Variants in HTR1F observed in about 807,000 individuals in gnomAD.
HTR1F encodes 5-hydroxytryptamine (serotonin) receptor 1F, G protein-coupled.
A neutral mutation model predicts 24.0 loss-of-function variants in HTR1F; 17 were observed. The observed-to-expected ratio is 0.71, with a 90% CI of 0.48 to 1.06. The LOEUF (loss-of-function observed/expected upper bound fraction) is 1.06, where lower values mean the gene tolerates loss of function less well. HTR1F is among the 50% of genes least tolerant of loss of function. The probability of loss-of-function intolerance (pLI) is 0.00; values close to 1 mark genes in which losing one functional copy is unlikely to be tolerated. For synonymous variants in HTR1F, 186 were observed against 156.8 expected (o/e 1.19, Z -1.39); for missense variants, 391 against 427.8 (o/e 0.91, Z 0.76).
chr3:87,842,088 A>C (rs937539125), intron 2 of HTR1F, among the ~76,000 whole-genome samples: 1 of 151,836 alleles, frequency 6.6e-6, no homozygotes, highest in African/African-American at 2.4e-5. Flanking sequence ...GTTACATTGT[A>C]TACTTATTCT....
chr3:87,929,312 T>C (rs1704203645), intron 2 of HTR1F, among the ~76,000 whole-genome samples: 2 of 152,160 alleles, frequency 1.3e-5, no homozygotes, highest in East Asian at 3.8e-4. Context: ...CCTCTTTCCG[T>C]TGCTGGCTCC....
chr3:87,887,730 C>T (rs1490805319), intron 2 of HTR1F, among the ~76,000 whole-genome samples: 1 of 152,210 alleles, frequency 6.6e-6, no homozygotes, highest in African/African-American at 2.4e-5. Context: ...TGCTCATCAT[C>T]ACTGGTCATC....
intron 2 of HTR1F, among the ~76,000 whole-genome samples, chr3:87,988,965 TA>T (rs1705742614): frequency 6.6e-6 from 1 of 151,818 alleles, no homozygotes; most frequent in Admixed American, 6.6e-5. Context: ...TTAAGTATTT[TA>T]AAGTATTAAT....
intron 2 of HTR1F, among the ~76,000 whole-genome samples, chr3:87,918,151 A>G (rs909962377): frequency 2.3e-4 from 35 of 152,172 alleles, no homozygotes; most frequent in Middle Eastern, 6.8e-3. Context: ...AGAAAAAAGC[A>G]TTTGACAAAA....
At chr3:87,821,822 C>T (rs1257896623) in intron 1 of HTR1F, among the ~76,000 whole-genome samples, 186 bp from the exon 2 acceptor site, 3 of 150,190 alleles carry the variant, frequency 2.0e-5, no homozygotes, top group Admixed American at 6.6e-5. Flanking sequence ...CATCTCCCCC[C>T]AAAAAAGACG....
At chr3:87,924,546 C>A (rs753266294) in intron 2 of HTR1F, among the ~76,000 whole-genome samples, 40 of 152,012 alleles carry the variant, frequency 2.6e-4, no homozygotes, top group Non-Finnish European at 4.9e-4. Context: ...TTAAGTATTT[C>A]TTGTAAGGCT....
At chr3:87,895,863 T>TA (rs1263448118) in intron 2 of HTR1F, among the ~76,000 whole-genome samples, 3 of 152,148 alleles carry the variant, frequency 2.0e-5, no homozygotes, top group African/African-American at 7.2e-5. Context: ...TAAGAGTTAA[T>TA]AGCTCTGGAA....
intron 2 of HTR1F, among the ~76,000 whole-genome samples, chr3:87,953,076 T>A (rs1384887114): frequency 1.3e-5 from 2 of 151,768 alleles, no homozygotes; most frequent in Non-Finnish European, 3.0e-5. Flanking sequence ...ACTTAAAACA[T>A]AAGACATGAA....
rs147809489 is a variant in HTR1F, at chr3:87,979,798, G to A, written c.-42-10910G>A. Among the ~76,000 whole-genome samples, 1,075 of 152,314 alleles carry A rather than the reference G, an allele frequency of 7.1e-3. 13 individuals are homozygous for A. The highest frequency in any genetic ancestry group is 0.024 in the African/African-American group (987 of 41,576). On this transcript the variant is annotated intron_variant, in intron 2 of 2. Coordinates refer to ENST00000319595, the MANE Select transcript of HTR1F (RefSeq NM_001322209.2). ...CCAGTTACTGCACATAGCCAGGCGC[G>A]CTGGCTGCTGTGGCAGGTCAGGCAG...
chr3:87,920,999 C>A (rs1209337455), intron 2 of HTR1F, among the ~76,000 whole-genome samples: 1 of 151,988 alleles, frequency 6.6e-6, no homozygotes, highest in Non-Finnish European at 1.5e-5. Context: ...TCTCACATAT[C>A]CCCCTAAAGC....
In HTR1F at chr3:87,991,755, G is replaced by C. The variant is rs760961399; in HGVS notation, c.1006G>C (p.Gly336Arg). 6.2e-7 allele frequency: 1 copy of C among 1,613,544 alleles called. No individual in the cohort carries two copies. Among genetic ancestry groups the C allele is most frequent in the Non-Finnish European group, 8.5e-7 (1 of 1,179,648 alleles). ...AATGTCCAATTTTTTGGCATGGCTTGGGTATCTCAATTCCCTTATAAATCC... is the reference window on the plus strand; with the variant it reads ...AATGTCCAATTTTTTGGCATGGCTTCGGTATCTCAATTCCCTTATAAATCC... Reference protein sequence around the residue: ...EEMSNFLAWLGYLNSLINPLI... With the variant: ...EEMSNFLAWLRYLNSLINPLI... The change falls in exon 3 of 3, where the codon GGG (glycine) becomes CGG (arginine). Residue 336 changes from glycine (G) to arginine (R), a missense_variant. Gly to Arg is a moderately radical substitution (Grantham distance 125). Transcript: ENST00000319595.
chr3:87,807,862 T>A (rs1036038327), intron 1 of HTR1F, among the ~76,000 whole-genome samples: 3 of 151,936 alleles, frequency 2.0e-5, no homozygotes, highest in African/African-American at 7.2e-5. Context: ...GCTTCTTCCA[T>A]GTCAATTGAG....
At chr3:87,887,460 C>A (rs1371474269) in intron 2 of HTR1F, among the ~76,000 whole-genome samples, 2 of 152,016 alleles carry the variant, frequency 1.3e-5, no homozygotes, top group Admixed American at 6.6e-5. Flanking sequence ...GCAACAAAAG[C>A]CAAAATTGAC....
intron 2 of HTR1F, among the ~76,000 whole-genome samples, chr3:87,851,816 CA>C: frequency 6.6e-6 from 1 of 151,370 alleles, no homozygotes; most frequent in Admixed American, 6.6e-5. Context: ...TTCTTCCTGT[CA>C]AAAAACCTAT....
intron 2 of HTR1F, among the ~76,000 whole-genome samples, chr3:87,936,615 A>G (rs928339473): frequency 2.0e-5 from 3 of 152,234 alleles, no homozygotes; most frequent in Middle Eastern, 6.3e-3. Flanking sequence ...AGCAAAAGAT[A>G]AGATGGTAAA....
intron 2 of HTR1F, among the ~76,000 whole-genome samples, chr3:87,941,459 G>A (rs1704566407): frequency 6.6e-6 from 1 of 152,162 alleles, no homozygotes; most frequent in East Asian, 1.9e-4. Flanking sequence ...TGTAGCCACA[G>A]GTAGAGAGGA....
intron 2 of HTR1F, among the ~76,000 whole-genome samples, chr3:87,907,510 T>A (rs1158155411): frequency 6.6e-6 from 1 of 152,056 alleles, no homozygotes; most frequent in African/African-American, 2.4e-5. Context: ...AAAATGTCAT[T>A]TTGTCTAAAA....
At chr3:87,976,589 C>T (rs997929560) in intron 2 of HTR1F, among the ~76,000 whole-genome samples, 1 of 152,126 alleles carries the variant, frequency 6.6e-6, no homozygotes, top group African/African-American at 2.4e-5. Context: ...TTTTAACACA[C>T]CCTAAGCATG....
In HTR1F at chr3:87,993,114, C is replaced by G. The variant is rs927692548; in HGVS notation, c.*1264C>G. Reference sequence around the variant, plus strand: ...GGTCATAGACTACCTTTGGGAAGACCTATCATCAACCAAGATCGTTTGAAA... The same window carrying G: ...GGTCATAGACTACCTTTGGGAAGACGTATCATCAACCAAGATCGTTTGAAA... On this transcript the variant is annotated 3_prime_UTR_variant, in exon 3 of 3. Coordinates refer to ENST00000319595, the MANE Select transcript of HTR1F (RefSeq NM_001322209.2). 1 of 166,766 alleles carries G rather than the reference C, an allele frequency of 6.0e-6. No individual in the cohort carries two copies. Among genetic ancestry groups the G allele is most frequent in the Non-Finnish European group, 1.5e-5 (1 of 68,050 alleles). The allele number at this position is 166,766 out of a possible 1,614,324, so 10.3% of individuals were successfully genotyped here. A position where few individuals can be genotyped will look rare whatever the true frequency, so the allele number is the denominator to read the frequency against.
Sources: allele counts gnomAD v4.1 joint callset (sites outside exome capture counted in the v4.1 genomes callset), GRCh38; gene constraint gnomAD v4.1.1; transcripts MANE v1.5; gene names NCBI Gene and HGNC (gene_info 2026-07-23, HGNC 2026-07-21).